The following ADAMTSL1 variants were observed in gnomAD, a reference collection of about 807,000 sequenced individuals.
The protein encoded by ADAMTSL1 is ADAMTS-like protein 1.
Under a neutral mutation model 201.8 loss-of-function variants are expected in ADAMTSL1, and 126 were observed. The ratio of observed to expected loss-of-function variants is 0.62; its 90% CI spans 0.54 to 0.72. The LOEUF (loss-of-function observed/expected upper bound fraction) is 0.72, where lower values mean the gene tolerates loss of function less well. ADAMTSL1 is among the 30% of genes least tolerant of loss of function. ADAMTSL1 has a pLI of 0.00. For synonymous variants in ADAMTSL1, 1,121 were observed against 903.4 expected (o/e 1.24, Z -4.32); for missense variants, 2,679 against 2,277.8 (o/e 1.18, Z -3.59).
At chr9:18,249,021 G>T (rs1038964105) in intron 2 of ADAMTSL1, among the ~76,000 whole-genome samples, 4 of 152,146 alleles carry the variant, frequency 2.6e-5, no homozygotes, top group African/African-American at 9.7e-5. Context: ...TATGGATTGA[G>T]CGACGATAGA....
chr9:18,191,225 A>G (rs1828955420), intron 2 of ADAMTSL1, among the ~76,000 whole-genome samples: 1 of 152,128 alleles, frequency 6.6e-6, no homozygotes, highest in South Asian at 2.1e-4. Context: ...GGGAAAGAAG[A>G]AACTGGCTGC....
intron 1 of ADAMTSL1, among the ~76,000 whole-genome samples, chr9:17,993,827 A>C (rs1024957073): frequency 3.9e-5 from 6 of 152,162 alleles, no homozygotes; most frequent in Non-Finnish European, 7.3e-5. Flanking sequence ...GATTAAAACT[A>C]TACATCCATC....
intron 22 of ADAMTSL1, among the ~76,000 whole-genome samples, chr9:18,828,836 A>G (rs1824793437): frequency 1.3e-5 from 2 of 151,584 alleles, no homozygotes; most frequent in Non-Finnish European, 2.9e-5. Context: ...CTCAGGCACC[A>G]TCATGACTTA....
intron 4 of ADAMTSL1, among the ~76,000 whole-genome samples, chr9:18,610,534 G>C (rs1825304573): frequency 1.3e-5 from 2 of 152,134 alleles, no homozygotes; most frequent in South Asian, 4.1e-4. Context: ...GAAGGAAAAA[G>C]GGTTATATTT....
chr9:18,870,272 G>T (rs1827806422), intron 23 of ADAMTSL1, among the ~76,000 whole-genome samples: 1 of 152,100 alleles, frequency 6.6e-6, no homozygotes, highest in South Asian at 2.1e-4. Context: ...CCTGTCTAGT[G>T]GTTTTTGATT....
At position 17,991,598 on chromosome 9, in the gene ADAMTSL1, T is replaced by C. The variant is rs541111375; in HGVS notation, c.87+84676T>C. ...TCAGATTCCTTCTCTGGATGGCCCC[T>C]GTTTGAATAACTCCAATGTCCTACT... is the stretch of plus-strand genomic sequence containing the variant. On this transcript the variant is annotated intron_variant, in intron 1 of 29. Transcript: ENST00000680146. 5.3e-5 allele frequency among the ~76,000 whole-genome samples: 8 copies of C among 152,272 alleles called. No homozygotes were observed. The South Asian group carries it at 8.3e-4, about 16-fold the overall frequency.
chr9:18,451,452 C>T (rs1820402653), intron 2 of ADAMTSL1, among the ~76,000 whole-genome samples: 2 of 152,184 alleles, frequency 1.3e-5, no homozygotes, highest in African/African-American at 4.8e-5. Flanking sequence ...TGTATTATAG[C>T]CATGTGAATG....
chr9:18,106,256 A>G (rs1157806304), intron 1 of ADAMTSL1, among the ~76,000 whole-genome samples: 1 of 152,230 alleles, frequency 6.6e-6, no homozygotes, highest in Non-Finnish European at 1.5e-5. Context: ...TGTGAGCCTC[A>G]TATGAAAAGA....
chr9:18,567,996 CT>C (rs1822041824), intron 3 of ADAMTSL1, among the ~76,000 whole-genome samples: 3 of 152,094 alleles, frequency 2.0e-5, no homozygotes, highest in African/African-American at 7.2e-5. Flanking sequence ...TAACAACATG[CT>C]GTAATAAAAC....
intron 2 of ADAMTSL1, among the ~76,000 whole-genome samples, chr9:18,268,441 T>C (rs371460143): frequency 6.6e-6 from 1 of 152,202 alleles, no homozygotes; most frequent in Non-Finnish European, 1.5e-5. Flanking sequence ...AGAATTGCCC[T>C]TTTATGTCAT....
At chr9:18,224,282 T>C (rs1217469103) in intron 2 of ADAMTSL1, among the ~76,000 whole-genome samples, 1 of 152,136 alleles carries the variant, frequency 6.6e-6, no homozygotes, top group African/African-American at 2.4e-5. Flanking sequence ...GTCTCTGCTT[T>C]CAAGATGGTG....
intron 2 of ADAMTSL1, among the ~76,000 whole-genome samples, chr9:18,255,301 A>C (rs577527890): frequency 6.6e-6 from 1 of 152,252 alleles, no homozygotes; most frequent in South Asian, 2.1e-4. Context: ...TATAAGCGGC[A>C]GGCGTATGAG....
At chr9:18,765,852 G>T (rs1820326100) in intron 16 of ADAMTSL1, among the ~76,000 whole-genome samples, 1 of 152,152 alleles carries the variant, frequency 6.6e-6, no homozygotes, top group Admixed American at 6.5e-5. Context: ...ATGAGGTAAT[G>T]GTGATAGAGA....
chr9:18,014,467 C>A (rs1820173778), intron 1 of ADAMTSL1, among the ~76,000 whole-genome samples: 1 of 151,976 alleles, frequency 6.6e-6, no homozygotes, highest in South Asian at 2.1e-4. Context: ...ACAACTCAAC[C>A]TAGAATTATT....
At chr9:18,238,051 G>T (rs1366637734) in intron 2 of ADAMTSL1, among the ~76,000 whole-genome samples, 5 of 152,136 alleles carry the variant, frequency 3.3e-5, no homozygotes, top group African/African-American at 9.7e-5. Context: ...CTTTTTACCT[G>T]GGTTCTAGAT....
chr9:18,853,918 T>TGTGCGC (rs139332733), intron 23 of ADAMTSL1, among the ~76,000 whole-genome samples: 19 of 145,382 alleles, frequency 1.3e-4, no homozygotes, highest in African/African-American at 3.5e-4. Context: ...TGTGTGTGTG[T>TGTGCGC]GCGCGTGCAT....
intron 20 of ADAMTSL1, among the ~76,000 whole-genome samples, chr9:18,805,925 AT>A (rs1199332698): frequency 6.6e-6 from 1 of 152,140 alleles, no homozygotes; most frequent in Non-Finnish European, 1.5e-5. Flanking sequence ...CCCCGTTTCC[AT>A]TTATCTTCCA....
intron 2 of ADAMTSL1, among the ~76,000 whole-genome samples, chr9:18,178,033 C>T (rs1372016186): frequency 3.9e-5 from 6 of 152,238 alleles, no homozygotes; most frequent in East Asian, 3.9e-4. Context: ...CCCAGATGGC[C>T]GAATAGGAAC....
At chr9:18,289,568 A>T (rs1001039786) in intron 2 of ADAMTSL1, among the ~76,000 whole-genome samples, 5 of 152,226 alleles carry the variant, frequency 3.3e-5, no homozygotes, top group African/African-American at 7.2e-5. Flanking sequence ...TTCTATTAAC[A>T]GGGAAGACTG....
Sources: allele counts gnomAD v4.1 joint callset (sites outside exome capture counted in the v4.1 genomes callset), GRCh38; gene constraint gnomAD v4.1.1; transcripts MANE v1.5; gene names NCBI Gene and HGNC (gene_info 2026-07-23, HGNC 2026-07-21).